Variants in CCDC83 observed in about 807,000 individuals in gnomAD.
The protein encoded by CCDC83 is coiled-coil domain-containing protein 83.
A neutral mutation model predicts 50.1 loss-of-function variants in CCDC83; 54 were observed. That is an observed-to-expected ratio of 1.08 (90% confidence interval 0.87 to 1.35). CCDC83 has a LOEUF of 1.35. Among genes scored for constraint, CCDC83 ranks in the 40% most tolerant of loss-of-function variants. The pLI, the probability that CCDC83 is intolerant of heterozygous loss-of-function variation, is 0.00. For missense variants in CCDC83, 518 were observed against 473.9 expected (o/e 1.09, Z -0.86); for synonymous variants, 161 against 153.3 (o/e 1.05, Z -0.37).
At position 85,915,467 on chromosome 11, in the gene CCDC83, A is replaced by C. The variant is rs1482797185; in HGVS notation, c.843A>C (p.Glu281Asp). Residue 281 changes from glutamate to aspartate, a missense_variant, in exon 9 of 11, where the codon GAA becomes GAC. Transcript: ENST00000342404. The part of the protein sequence containing the change: ...QAAGLEVPPE[E>D]MSLELPETHI... The stretch of plus-strand genomic sequence containing the variant: ...CTGGACTAGAAGTGCCACCTGAAGA[A>C]ATGTCTTTGGAATTGCCAGAAACAC... 1 of 1,613,226 alleles carries C rather than the reference A, an allele frequency of 6.2e-7. No homozygotes were observed. The highest frequency in any genetic ancestry group is 8.5e-7 in the Non-Finnish European group (1 of 1,179,594).
intron 6 of CCDC83, among the ~76,000 whole-genome samples, chr11:85,897,820 T>A (rs17148576): frequency 2.0e-5 from 3 of 152,180 alleles, no homozygotes; most frequent in East Asian, 3.8e-4. Context: ...GTAATAAGCA[T>A]GACTTACAGA....
chr11:85,886,101 C>G (rs968729377), intron 4 of CCDC83, 99 bp from the exon 5 acceptor site: 22 of 816,640 alleles, frequency 2.7e-5, no homozygotes, highest in Non-Finnish European at 3.5e-5. Context: ...TATGAGTTAA[C>G]AGTATTTTAA....
At chr11:85,907,551 C>T (rs554144253) in intron 7 of CCDC83, among the ~76,000 whole-genome samples, 1 of 152,298 alleles carries the variant, frequency 6.6e-6, no homozygotes, top group African/African-American at 2.4e-5. Context: ...ACTAAATTAT[C>T]TCTCCCAGTT....
rs1311006272 is a variant in CCDC83, at chr11:85,879,436, A to C, written c.181-3077A>C. 5.9e-5 allele frequency among the ~76,000 whole-genome samples: 9 copies of C among 152,136 alleles called. No homozygotes were observed. The East Asian group carries it at 1.7e-3, about 29-fold the overall frequency. ...TGCTCTCATACCTTTGTCAAAAATC[A>C]GTTCGACATTGAATAGGCATTTCTC... On this transcript the variant is annotated intron_variant, in intron 3 of 10. Transcript: ENST00000342404.
rs1474491425 is a variant in CCDC83 at position 85,886,284 on chromosome 11, T to A, written c.428T>A (p.Val143Glu). 1.9e-6 allele frequency: 3 copies of A among 1,611,018 alleles called. No individual in the cohort carries two copies. Among genetic ancestry groups the A allele is most frequent in the East Asian group, 4.5e-5 (2 of 44,712 alleles). Reference protein sequence around the residue: ...EKEYWEEYKNVGSERHAKLIT... With the variant: ...EKEYWEEYKNEGSERHAKLIT... ...GAATATTGGGAGGAGTACAAGAATG[T>A]AGGGAGTGAACGACATGCTAAACTC... The change falls in exon 5 of 11, where the codon GTA becomes GAA. Residue 143 changes from valine to glutamate, a missense_variant. Val to Glu is a moderately radical substitution (Grantham distance 121). Transcript: ENST00000342404.
chr11:85,895,760 T>G (rs550092811), intron 6 of CCDC83, among the ~76,000 whole-genome samples: 1 of 152,254 alleles, frequency 6.6e-6, no homozygotes, highest in East Asian at 1.9e-4. Context: ...AGTGTGAGGG[T>G]TAAATGAGAT....
intron 7 of CCDC83, among the ~76,000 whole-genome samples, chr11:85,904,449 T>C (rs1236267343): frequency 6.6e-6 from 1 of 152,220 alleles, no homozygotes; most frequent in Non-Finnish European, 1.5e-5. Flanking sequence ...TCTACCCTTC[T>C]ACTTGAAATT....
At chr11:85,860,046 T>C (rs2093166377) in intron 1 of CCDC83, among the ~76,000 whole-genome samples, 1 of 152,096 alleles carries the variant, frequency 6.6e-6, no homozygotes, top group Non-Finnish European at 1.5e-5. Flanking sequence ...CCCAGCACTT[T>C]GGGAGGCTGA....
intron 7 of CCDC83, among the ~76,000 whole-genome samples, chr11:85,905,442 CAAA>C (rs141344643): frequency 0.026 from 2,750 of 106,086 alleles, 38 homozygotes; most frequent in Middle Eastern, 0.08. Context: ...AACTCCGCCT[CAAA>C]AAAAAAAAAA....
chr11:85,902,419 A>C (rs759423709), intron 7 of CCDC83, among the ~76,000 whole-genome samples: 3 of 152,182 alleles, frequency 2.0e-5, no homozygotes, highest in Non-Finnish European at 4.4e-5. Context: ...GAAGAGAAAA[A>C]CAGGAAACAG....
At chr11:85,856,974 A>G (rs963426366) in intron 1 of CCDC83, among the ~76,000 whole-genome samples, 1 of 152,206 alleles carries the variant, frequency 6.6e-6, no homozygotes, top group Non-Finnish European at 1.5e-5. Flanking sequence ...TGCAGTAGCC[A>G]CAAAACGAAT....
intron 7 of CCDC83, among the ~76,000 whole-genome samples, chr11:85,899,232 T>G (rs1358376356): frequency 6.6e-6 from 1 of 152,230 alleles, no homozygotes; most frequent in Admixed American, 6.5e-5. Flanking sequence ...GGTTTATAAT[T>G]CACACAGTAA....
Position 85,919,352 on chromosome 11 carries a change from T to C in CCDC83, c.1084T>C (p.Tyr362His), listed in dbSNP as rs763906870. ...LYEDEKDFKD[Y>H]VNLGPLGVKL... The stretch of plus-strand genomic sequence containing the variant: ...TTTTTGTGCCTGTTCACCATAGGAT[T>C]ATGTAAACTTGGGCCCCCTGGGAGT... The change falls in exon 11 of 11, where the codon TAT (tyrosine) becomes CAT (histidine). Residue 362 changes from tyrosine to histidine, a missense_variant. Coordinates refer to ENST00000342404, the MANE Select transcript of CCDC83 (RefSeq NM_001286159.2). 5 of 1,598,112 alleles carry C rather than the reference T, an allele frequency of 3.1e-6. No homozygotes were observed. In the East Asian group the frequency reaches 1.1e-4, roughly 36 times the overall value.
chr11:85,919,102 T>G (rs1361920365), intron 10 of CCDC83, among the ~76,000 whole-genome samples: 1 of 152,252 alleles, frequency 6.6e-6, no homozygotes, highest in Non-Finnish European at 1.5e-5. Flanking sequence ...CCTTCCAGCC[T>G]TGCTGCCTGC....
At chr11:85,881,849 A>G (rs575683551) in intron 3 of CCDC83, among the ~76,000 whole-genome samples, 48 of 152,254 alleles carry the variant, frequency 3.2e-4, no homozygotes, top group African/African-American at 1.1e-3. Context: ...TTTGATTATG[A>G]TGTGTCTTAA....
intron 7 of CCDC83, among the ~76,000 whole-genome samples, chr11:85,906,927 A>G (rs1172646330): frequency 6.8e-6 from 1 of 146,246 alleles, no homozygotes; most frequent in Admixed American, 6.8e-5. Context: ...TAAATAAATA[A>G]CAAATCATTT....
chr11:85,877,155 T>C (rs2135016691), intron 3 of CCDC83, among the ~76,000 whole-genome samples: 1 of 152,292 alleles, frequency 6.6e-6, no homozygotes, highest in South Asian at 2.1e-4. Flanking sequence ...AATTTATATA[T>C]AATGTCAAAT....
chr11:85,883,487 A>G (rs954952128), intron 4 of CCDC83, among the ~76,000 whole-genome samples: 1 of 152,046 alleles, frequency 6.6e-6, no homozygotes, highest in Non-Finnish European at 1.5e-5. Flanking sequence ...CATGGGTAGT[A>G]ATGACACTAG....
In CCDC83 at chr11:85,895,272, T is replaced by TTC. The variant is rs776388445; in HGVS notation, c.512-20_512-19insCT. 37 of 735,400 alleles carry TTC rather than the reference T, an allele frequency of 5.0e-5. No homozygotes were observed. In the African/African-American group the frequency reaches 6.9e-4, roughly 14 times the overall value. 45.6% of individuals were successfully genotyped at this position (735,400 alleles called of 1,614,324 possible). On this transcript the variant is annotated intron_variant, in intron 5 of 10. Transcript: ENST00000342404. ...ATAAGGCTTTTAATTTTCTTTTTTT[T>TTC]TTTTTTTTTTTTTTTTAAAGAACAC...
Sources: gnomAD v4.1 joint callset for allele counts (sites outside exome capture counted in the v4.1 genomes callset) on GRCh38, gnomAD v4.1.1 for gene constraint, MANE v1.5 for transcripts, NCBI Gene and HGNC (gene_info 2026-07-23, HGNC 2026-07-21) for gene names.